Variants in MRTFB observed in about 807,000 individuals in gnomAD.
MRTFB encodes myocardin-related transcription factor B.
Under a neutral mutation model 104.2 loss-of-function variants are expected in MRTFB, and 29 were observed. That is an observed-to-expected ratio of 0.28 (90% CI 0.21 to 0.38). The LOEUF is 0.38. Among genes scored for constraint, MRTFB ranks in the 10% least tolerant of loss-of-function variants. MRTFB has a pLI of 1.00. For missense variants in MRTFB, 1,270 were observed against 1,341.6 expected, an observed-to-expected ratio of 0.95 and a Z score of 0.83; for synonymous variants, 535 against 519.5, an observed-to-expected ratio of 1.03 and a Z score of -0.41.
chr16:14,058,091 A>G, the MRTFB span, among the ~76,000 whole-genome samples: 1 of 152,206 alleles, frequency 6.6e-6, no homozygotes, highest in Non-Finnish European at 1.5e-5. Flanking sequence ...AGCTGTATCC[A>G]GGAAGCCTGG....
At chr16:14,133,747 A>G (rs1021056680) in intron 2 of MRTFB, among the ~76,000 whole-genome samples, 1 of 152,106 alleles carries the variant, frequency 6.6e-6, no homozygotes, top group African/African-American at 2.4e-5. Flanking sequence ...CATGCTAATT[A>G]TAATTCAACA....
intron 3 of MRTFB, chr16:14,193,769 T>A (rs1245105351): frequency 6.6e-6 from 1 of 152,172 alleles, no homozygotes; most frequent in African/African-American, 2.4e-5. Flanking sequence ...CCTGATTCCA[T>A]CACCTAAAGG....
chr16:14,251,779 C>A, intron 13 of MRTFB, 83 bp from the exon 14 acceptor site: 2 of 1,492,622 alleles, frequency 1.3e-6, no homozygotes, highest in Non-Finnish European at 1.8e-6. Flanking sequence ...AGTTTGCTGA[C>A]CCCTGTCCTA....
At chr16:14,005,356 T>G in the MRTFB span, among the ~76,000 whole-genome samples, 16 of 152,114 alleles carry the variant, frequency 1.1e-4, no homozygotes, top group Admixed American at 4.6e-4. Context: ...TCACACACCG[T>G]GCAAAGGAAT....
At position 14,203,398 on chromosome 16, in the gene MRTFB, A is replaced by G. The variant is rs140498225; in HGVS notation, c.155-6845A>G. On this transcript the variant is annotated intron_variant, in intron 3 of 16. Transcript: ENST00000571589. ...TTGTTTTGGTAACATACAGTCCTCT[A>G]TGTCCCACTGAAAACTCAGGGCCAG... Among the ~76,000 whole-genome samples, 40 of 152,222 alleles carry G rather than the reference A, an allele frequency of 2.6e-4. No homozygotes were observed. The East Asian group carries it at 3.3e-3, about 12-fold the overall frequency.
chr16:14,252,201 A>G (rs1462603855), intron 14 of MRTFB, among the ~76,000 whole-genome samples, 164 bp from the exon 15 acceptor site: 1 of 152,208 alleles, frequency 6.6e-6, no homozygotes, highest in South Asian at 2.1e-4. Flanking sequence ...TCGTTCGCAC[A>G]TAAGGTGGCC....
chr16:14,088,482 G>A (rs1256129813), intron 2 of MRTFB, among the ~76,000 whole-genome samples: 2 of 152,108 alleles, frequency 1.3e-5, no homozygotes, highest in East Asian at 1.9e-4. Flanking sequence ...TAGAATGCTC[G>A]AAAGTTCTTA....
chr16:14,041,973 G>A, the MRTFB span, among the ~76,000 whole-genome samples: 3,095 of 152,262 alleles, frequency 0.02, 99 homozygotes, highest in African/African-American at 0.071. Flanking sequence ...ATATCCAGAA[G>A]TGGGTCTGCT....
intron 2 of MRTFB, among the ~76,000 whole-genome samples, chr16:14,103,658 A>AGTCT (rs755891771): frequency 1.3e-5 from 2 of 152,238 alleles, no homozygotes; most frequent in Non-Finnish European, 2.9e-5. Flanking sequence ...CTACAAATAT[A>AGTCT]GTCTGCTTCT....
At chr16:14,259,617 G>C (rs564680987) in intron 16 of MRTFB, among the ~76,000 whole-genome samples, 1 of 152,214 alleles carries the variant, frequency 6.6e-6, no homozygotes, top group Admixed American at 6.5e-5. Flanking sequence ...GGGCATGGTG[G>C]AGGGCACCTG....
intron 7 of MRTFB, among the ~76,000 whole-genome samples, 153 bp from the exon 8 acceptor site, chr16:14,218,667 T>C (rs1302834891): frequency 1.3e-5 from 2 of 152,188 alleles, no homozygotes; most frequent in Non-Finnish European, 2.9e-5. Context: ...TCATGGTTAG[T>C]GGTGTGTTCT....
At chr16:14,200,281 A>G (rs2040624911) in intron 3 of MRTFB, 3 of 1,564,706 alleles carry the variant, frequency 1.9e-6, no homozygotes, top group Middle Eastern at 3.6e-4. Flanking sequence ...AAAGAGCTAG[A>G]TTCTGAGTTC....
At chr16:14,260,172 C>G (rs1401039750) in intron 16 of MRTFB, among the ~76,000 whole-genome samples, 1 of 152,104 alleles carries the variant, frequency 6.6e-6, no homozygotes, top group East Asian at 1.9e-4. Context: ...TATATAAGCT[C>G]AGAAAACAAG....
At chr16:14,152,754 A>G (rs970216883) in intron 3 of MRTFB, 1 of 152,192 alleles carries the variant, frequency 6.6e-6, no homozygotes, top group Admixed American at 6.5e-5. Flanking sequence ...GGCATTCCAC[A>G]TTGGGAGGAC....
intron 1 of MRTFB, among the ~76,000 whole-genome samples, chr16:14,077,778 A>T (rs1310572344): frequency 6.6e-6 from 1 of 152,178 alleles, no homozygotes; most frequent in African/African-American, 2.4e-5. Flanking sequence ...TTTGTTGCCA[A>T]CATGGGCTGA....
the MRTFB span, among the ~76,000 whole-genome samples, chr16:13,998,072 C>G: frequency 1.3e-5 from 2 of 152,140 alleles, no homozygotes; most frequent in Non-Finnish European, 2.9e-5. Flanking sequence ...ATTCTAGACA[C>G]AGGGAAACAG....
At chr16:14,114,589 C>A (rs907807609) in intron 2 of MRTFB, among the ~76,000 whole-genome samples, 1 of 152,146 alleles carries the variant, frequency 6.6e-6, no homozygotes, top group Non-Finnish European at 1.5e-5. Flanking sequence ...CTGAGTTTTG[C>A]CTCCCACCCT....
At chr16:14,000,079 G>A in the MRTFB span, among the ~76,000 whole-genome samples, 1 of 152,190 alleles carries the variant, frequency 6.6e-6, no homozygotes. Context: ...AGGCTGCGTT[G>A]CCACATTGGG....
At chr16:14,186,792 T>G in intron 3 of MRTFB, 1 of 1,544,094 alleles carries the variant, frequency 6.5e-7, no homozygotes. Flanking sequence ...GGCCAGTGAT[T>G]GGGGTATTGT....
Sources: gnomAD v4.1 joint callset for allele counts (sites outside exome capture counted in the v4.1 genomes callset) on GRCh38, gnomAD v4.1.1 for gene constraint, MANE v1.5 for transcripts, NCBI Gene and HGNC (gene_info 2026-07-23, HGNC 2026-07-21) for gene names.